ARB2A: variants seen among roughly 807,000 people sequenced by gnomAD.
ARB2A encodes cotranscriptional regulator ARB2A.
At chr5:93,836,153 G>A in the ARB2A span, among the ~76,000 whole-genome samples, 5 of 152,128 alleles carry the variant, frequency 3.3e-5, no homozygotes, top group Middle Eastern at 3.4e-3. Flanking sequence ...TCAGCCTCCC[G>A]AGTAGCTGGG....
chr5:93,751,976 A>C, the ARB2A span, among the ~76,000 whole-genome samples: 1 of 152,180 alleles, frequency 6.6e-6, no homozygotes, highest in Non-Finnish European at 1.5e-5. Flanking sequence ...AGGCAGGAGA[A>C]GACAGAAACA....
the ARB2A span, among the ~76,000 whole-genome samples, chr5:93,645,311 T>G: frequency 5.9e-5 from 9 of 152,270 alleles, no homozygotes; most frequent in Non-Finnish European, 1.2e-4. Flanking sequence ...CGGTGGCTCA[T>G]GCCTGTAATC....
the ARB2A span, among the ~76,000 whole-genome samples, chr5:94,037,387 G>A: frequency 6.6e-6 from 1 of 152,106 alleles, no homozygotes; most frequent in Non-Finnish European, 1.5e-5. Context: ...TAAGCTTGAT[G>A]TCAGTAATAA....
chr5:93,802,855 A>C, the ARB2A span, among the ~76,000 whole-genome samples: 14 of 152,136 alleles, frequency 9.2e-5, no homozygotes, highest in Non-Finnish European at 1.8e-4. Context: ...GTTTTTAAAG[A>C]AGCATAATGA....
At chr5:93,802,808 T>C in the ARB2A span, among the ~76,000 whole-genome samples, 1 of 152,072 alleles carries the variant, frequency 6.6e-6, no homozygotes, top group Non-Finnish European at 1.5e-5. Context: ...CTTCAACTAT[T>C]CAAATTTAGA....
the ARB2A span, among the ~76,000 whole-genome samples, chr5:93,893,274 A>C: frequency 1.3e-5 from 2 of 152,142 alleles, no homozygotes; most frequent in African/African-American, 2.4e-5. Flanking sequence ...GCCTCCTCAC[A>C]GGCTTTATGA....
At chr5:93,971,150 G>A in the ARB2A span, among the ~76,000 whole-genome samples, 148 of 151,864 alleles carry the variant, frequency 9.7e-4, no homozygotes, top group African/African-American at 3.1e-3. Context: ...AGGTGCCCAC[G>A]ACCACGCTCA....
the ARB2A span, among the ~76,000 whole-genome samples, chr5:93,792,077 A>G: frequency 6.6e-6 from 1 of 152,174 alleles, no homozygotes; most frequent in Non-Finnish European, 1.5e-5. Flanking sequence ...ACCAATCAAG[A>G]AAACAGCTAG....
the ARB2A span, among the ~76,000 whole-genome samples, chr5:94,109,174 G>A: frequency 6.6e-6 from 1 of 152,172 alleles, no homozygotes; most frequent in African/African-American, 2.4e-5. Flanking sequence ...AAATAAGCCA[G>A]TCACAAAAGG....
the ARB2A span, among the ~76,000 whole-genome samples, chr5:93,869,422 G>C: frequency 6.6e-6 from 1 of 152,120 alleles, no homozygotes; most frequent in South Asian, 2.1e-4. Flanking sequence ...TGAAGAATTA[G>C]GAAGAGCTTG....
At chr5:93,648,867 A>G in the ARB2A span, among the ~76,000 whole-genome samples, 8 of 152,210 alleles carry the variant, frequency 5.3e-5, no homozygotes, top group African/African-American at 1.9e-4. Flanking sequence ...CTAGTAGACT[A>G]CTAGAATTTC....
the ARB2A span, among the ~76,000 whole-genome samples, chr5:94,110,464 G>GAGCACCC: frequency 6.6e-6 from 1 of 152,302 alleles, no homozygotes; most frequent in East Asian, 1.9e-4. Context: ...AAAGCATCCA[G>GAGCACCC]AGCATCCTTA....
the ARB2A span, among the ~76,000 whole-genome samples, chr5:94,083,713 AAAAT>A: frequency 2.0e-5 from 3 of 152,124 alleles, no homozygotes; most frequent in Admixed American, 6.5e-5. Flanking sequence ...TAGGACACTG[AAAAT>A]AAATAAAAAC....
the ARB2A span, among the ~76,000 whole-genome samples, chr5:93,993,840 A>C: frequency 6.6e-6 from 1 of 150,818 alleles, no homozygotes; most frequent in Admixed American, 6.6e-5. Flanking sequence ...TTATGTTTAA[A>C]TAAATATTAT....
the ARB2A span, chr5:93,738,609 T>C: frequency 3.3e-5 from 5 of 152,222 alleles, no homozygotes; most frequent in East Asian, 3.8e-4. Context: ...ATCCATACAA[T>C]GGAATATTAT....
the ARB2A span, among the ~76,000 whole-genome samples, chr5:93,678,992 A>G: frequency 6.6e-6 from 1 of 152,200 alleles, no homozygotes; most frequent in Non-Finnish European, 1.5e-5. Context: ...CTATTTGCAC[A>G]CTACAAATTC....
the ARB2A span, among the ~76,000 whole-genome samples, chr5:93,826,510 G>A: frequency 2.6e-5 from 4 of 152,040 alleles, no homozygotes; most frequent in African/African-American, 9.7e-5. Flanking sequence ...ATCCAACACT[G>A]TAGTAAGAAC....
At chr5:93,977,793 A>G in the ARB2A span, among the ~76,000 whole-genome samples, 2 of 152,236 alleles carry the variant, frequency 1.3e-5, no homozygotes, top group South Asian at 4.1e-4. Context: ...CAGAGCTTCT[A>G]TGCTACAAAG....
At chr5:93,872,046 T>C in the ARB2A span, among the ~76,000 whole-genome samples, 1 of 151,778 alleles carries the variant, frequency 6.6e-6, no homozygotes, top group African/African-American at 2.4e-5. Flanking sequence ...CCTCCCCGGT[T>C]CAAGCAATTC....
Sources: gnomAD v4.1 joint callset for allele counts (sites outside exome capture counted in the v4.1 genomes callset) on GRCh38, gnomAD v4.1.1 for gene constraint, MANE v1.5 for transcripts, NCBI Gene and HGNC (gene_info 2026-07-23, HGNC 2026-07-21) for gene names.